The following IQSEC2 variants were observed in gnomAD, a reference collection of about 807,000 sequenced individuals.
IQSEC2 encodes the protein IQ motif and SEC7 domain-containing protein 2.
In IQSEC2, 6 loss-of-function variants were observed where a neutral mutation model predicts 74.6. The ratio of observed to expected loss-of-function variants is 0.08; its 90% CI spans 0.04 to 0.16. IQSEC2 has a LOEUF of 0.16. Among genes scored for constraint, IQSEC2 ranks in the 10% least tolerant of loss-of-function variants. IQSEC2 has a pLI of 1.00. For missense variants in IQSEC2, 734 were observed against 1,306.2 expected, an observed-to-expected ratio of 0.56 and a Z score of 6.75; for synonymous variants, 494 against 544.5, an observed-to-expected ratio of 0.91 and a Z score of 1.29.
chrX:53,292,250 C>T (rs2075107934), intron 1 of IQSEC2, among the ~76,000 whole-genome samples: 1 of 111,720 alleles, frequency 9.0e-6, no homozygotes, highest in Admixed American at 9.5e-5. Flanking sequence ...GCGTGGCTTT[C>T]GTCGAGGCAG....
At chrX:53,277,827 C>T (rs1193529207) in intron 2 of IQSEC2, among the ~76,000 whole-genome samples, 10 of 107,663 alleles carry the variant, frequency 9.3e-5, no homozygotes, top group Middle Eastern at 5.0e-3. Context: ...CACACCACCA[C>T]GCCCGGCTAA....
chrX:53,277,465 C>T (rs962635953), intron 2 of IQSEC2, among the ~76,000 whole-genome samples: 1 of 109,939 alleles, frequency 9.1e-6, no homozygotes, highest in South Asian at 3.9e-4. Context: ...GTGATCCACC[C>T]GCCTCGGCCT....
chrX:53,309,699 C>T (rs1034000276), intron 1 of IQSEC2, among the ~76,000 whole-genome samples: 1 of 112,271 alleles, frequency 8.9e-6, no homozygotes, highest in Admixed American at 9.5e-5. Flanking sequence ...TACTTTCATT[C>T]AACTATTTAC....
At chrX:53,227,956 C>T (rs946615463), downstream of IQSEC2, 1 of 112,241 alleles carries the variant, frequency 8.9e-6, no homozygotes, top group African/African-American at 3.2e-5. Context: ...CTACTATGCA[C>T]CAGCAAATTT....
In IQSEC2 at chrX:53,243,389, G is replaced by A. The variant is rs782519675; in HGVS notation, c.2832C>T (p.Asn944=). The A allele has an allele frequency of 3.8e-5, 44 of 1,165,459 alleles. 1 individual carries two copies. The South Asian group carries it at 6.9e-4, about 18-fold the overall frequency. The part of the protein sequence containing the change: ...QRIQGRELRT[N]DDHVSQVQAV... ...CCTGCACCTGGGACACATGGTCATC[G>A]TTGGTCCGCAGTTCACGCCCCTGGA... The change falls in exon 9 of 15, where the codon AAC becomes AAT. Residue 944 remains asparagine (N), a synonymous_variant. Transcript: ENST00000642864.
At chrX:53,239,868 G>A (rs1403712376) in intron 10 of IQSEC2, among the ~76,000 whole-genome samples, 2 of 112,182 alleles carry the variant, frequency 1.8e-5, no homozygotes, top group African/African-American at 3.2e-5. Context: ...CACCTCAGGC[G>A]GTCTGCAAGT....
chrX:53,276,974 A>T (rs1352104624), intron 2 of IQSEC2, among the ~76,000 whole-genome samples: 2 of 111,973 alleles, frequency 1.8e-5, no homozygotes, highest in Non-Finnish European at 3.8e-5. Flanking sequence ...TCCATTTGAT[A>T]ATCTTTTATT....
At chrX:53,245,443 A>AC (rs1395667263) in intron 8 of IQSEC2, among the ~76,000 whole-genome samples, 1 of 108,741 alleles carries the variant, frequency 9.2e-6, no homozygotes, top group Non-Finnish European at 1.9e-5. Context: ...ATAAAAAAAA[A>AC]AAAAACAAAT....
downstream of IQSEC2, chrX:53,229,551 A>G (rs1326430915): frequency 1.8e-5 from 2 of 109,869 alleles, no homozygotes; most frequent in Non-Finnish European, 3.8e-5. Flanking sequence ...AAAATTTTTA[A>G]ATTAGCTGGG....
rs782189881 is a variant in IQSEC2, at chrX:53,234,948, A to ATGGTGG, written c.3732_3737dup (p.His1246_His1247dup). On this transcript the variant is annotated inframe_insertion, in exon 15 of 15. Coordinates refer to ENST00000642864, the MANE Select transcript of IQSEC2 (RefSeq NM_001111125.3). ...CCAGGCCACCGTGGCTATGGCCATG[A>ATGGTGG]TGGTGGTGGTGGTGGTGGTGGTGCG... 2 of 1,164,104 alleles carry ATGGTGG rather than the reference A, an allele frequency of 1.7e-6. No homozygotes were observed. The highest frequency in any genetic ancestry group is 1.1e-6 in the Non-Finnish European group (1 of 870,556).
At chrX:53,317,044 G>A (rs1602379163) in intron 1 of IQSEC2, among the ~76,000 whole-genome samples, 2 of 110,694 alleles carry the variant, frequency 1.8e-5, no homozygotes. Context: ...TCAGCGTGGA[G>A]CAACTCAGCA....
At chrX:53,261,135 G>C (rs2074561927) in intron 2 of IQSEC2, among the ~76,000 whole-genome samples, 1 of 111,481 alleles carries the variant, frequency 9.0e-6, no homozygotes, top group Non-Finnish European at 1.9e-5. Flanking sequence ...AACAGCACTG[G>C]GGATGTGGAA....
In IQSEC2 at chrX:53,250,581, G is replaced by T; in HGVS notation, c.1995C>A (p.Ala665=). The change falls in exon 5 of 15, where the codon GCC becomes GCA. Residue 665 remains alanine (A), a synonymous_variant. Coordinates refer to ENST00000642864, the MANE Select transcript of IQSEC2 (RefSeq NM_001111125.3). ...CACTGGGCCCAGTGCCACTGTTGGGGGCTGGTGGCAGGGGCCCTGGTGGGG... is the reference window on the plus strand; with the variant it reads ...CACTGGGCCCAGTGCCACTGTTGGGTGCTGGTGGCAGGGGCCCTGGTGGGG... The part of the protein sequence containing the change: ...APAPPGPLPP[A]PNSGTGPSGV... 8.3e-7 allele frequency: 1 copy of T among 1,210,108 alleles called. No individual in the cohort carries two copies. Among genetic ancestry groups the T allele is most frequent in the Admixed American group, 2.2e-5 (1 of 46,112 alleles).
chrX:53,293,298 G>T (rs782052632), intron 1 of IQSEC2, among the ~76,000 whole-genome samples: 1 of 111,553 alleles, frequency 9.0e-6, no homozygotes, highest in African/African-American at 3.3e-5. Context: ...TGGGGCTTTG[G>T]GGGTGGGCTG....
chrX:53,281,753 T>C, intron 2 of IQSEC2: 1 of 344,017 alleles, frequency 2.9e-6, no homozygotes. Context: ...CAGTCCCTCC[T>C]CTGGGCCAAA....
intron 2 of IQSEC2, among the ~76,000 whole-genome samples, chrX:53,261,655 A>T (rs2074570563): frequency 9.7e-6 from 1 of 102,826 alleles, no homozygotes. Context: ...TACGGACACA[A>T]CCACACACAC....
At chrX:53,293,071 A>G (rs2075117306) in intron 1 of IQSEC2, among the ~76,000 whole-genome samples, 2 of 111,745 alleles carry the variant, frequency 1.8e-5, no homozygotes, top group Non-Finnish European at 3.8e-5. Context: ...CATCTATGCT[A>G]AGCGCTAAAT....
At chrX:53,249,559 A>G (rs782132322) in intron 5 of IQSEC2, among the ~76,000 whole-genome samples, 1 of 112,631 alleles carries the variant, frequency 8.9e-6, no homozygotes, top group Non-Finnish European at 1.9e-5. Context: ...AAATAGGAAC[A>G]CTACTGCCTG....
At chrX:53,265,929 A>C (rs1252167565) in intron 2 of IQSEC2, among the ~76,000 whole-genome samples, 1 of 112,790 alleles carries the variant, frequency 8.9e-6, no homozygotes, top group East Asian at 2.8e-4. Flanking sequence ...GGAAAATCCC[A>C]AAATCACTGC....
Sources: allele counts gnomAD v4.1 joint callset (sites outside exome capture counted in the v4.1 genomes callset), GRCh38; gene constraint gnomAD v4.1.1; transcripts MANE v1.5; gene names NCBI Gene and HGNC (gene_info 2026-07-23, HGNC 2026-07-21).